Variants in CTNNA3 observed in about 807,000 individuals in gnomAD.
The protein encoded by CTNNA3 is catenin alpha 3.
A neutral mutation model predicts 95.7 loss-of-function variants in CTNNA3; 76 were observed. The ratio of observed to expected loss-of-function variants is 0.79; its 90% CI spans 0.66 to 0.96. CTNNA3 has a LOEUF of 0.96. Ranked by LOEUF, CTNNA3 falls within the 40% of genes least tolerant of loss-of-function variation. The pLI, the probability that CTNNA3 is intolerant of heterozygous loss-of-function variation, is 0.00. For synonymous variants in CTNNA3, 431 were observed against 374.4 expected (o/e 1.15, Z -1.74); for missense variants, 1,191 against 1,089.8 (o/e 1.09, Z -1.31).
chr10:67,376,193 T>C (rs1843683082), intron 5 of CTNNA3, among the ~76,000 whole-genome samples: 1 of 152,196 alleles, frequency 6.6e-6, no homozygotes, highest in Admixed American at 6.5e-5. Context: ...AAAGCAGTAG[T>C]ACTAGCCACA....
At chr10:66,399,939 T>G (rs2093007448) in intron 11 of CTNNA3, among the ~76,000 whole-genome samples, 1 of 151,966 alleles carries the variant, frequency 6.6e-6, no homozygotes, top group Admixed American at 6.6e-5. Context: ...AATTATCTCC[T>G]TGTCAAAACA....
At chr10:66,225,619 G>A (rs113095957) in intron 13 of CTNNA3, among the ~76,000 whole-genome samples, 3,611 of 151,010 alleles carry the variant, frequency 0.024, 98 homozygotes, top group African/African-American at 0.066. Flanking sequence ...TGGATCATAT[G>A]GTATTCAAAT....
intron 11 of CTNNA3, among the ~76,000 whole-genome samples, chr10:66,444,891 G>T (rs2093406886): frequency 6.6e-6 from 1 of 152,078 alleles, no homozygotes. Flanking sequence ...ATTGGATAAA[G>T]AGTCAAGACC....
chr10:67,687,701 T>G (rs921560189), intron 1 of CTNNA3, among the ~76,000 whole-genome samples: 1 of 152,200 alleles, frequency 6.6e-6, no homozygotes, highest in Non-Finnish European at 1.5e-5. Context: ...TTAGAATCAA[T>G]TGACCCTCGA....
intron 7 of CTNNA3, among the ~76,000 whole-genome samples, chr10:67,073,351 T>C (rs1326903064): frequency 6.6e-6 from 1 of 152,210 alleles, no homozygotes; most frequent in African/African-American, 2.4e-5. Context: ...AACAGTATTT[T>C]ACCTTCAACC....
intron 9 of CTNNA3, among the ~76,000 whole-genome samples, chr10:66,629,250 T>G (rs1289313754): frequency 6.6e-6 from 1 of 152,064 alleles, no homozygotes; most frequent in Non-Finnish European, 1.5e-5. Flanking sequence ...TAGTCTGACA[T>G]GAACAGAGGA....
chr10:67,041,643 C>T (rs930502896), intron 7 of CTNNA3, among the ~76,000 whole-genome samples: 1 of 152,070 alleles, frequency 6.6e-6, no homozygotes, highest in South Asian at 2.1e-4. Flanking sequence ...CTACCTCATA[C>T]CTCTAAAGCA....
intron 15 of CTNNA3, among the ~76,000 whole-genome samples, chr10:66,060,500 A>G (rs191715360): frequency 6.6e-6 from 1 of 152,268 alleles, no homozygotes; most frequent in Admixed American, 6.6e-5. Context: ...AAGATAAAAT[A>G]ACAGCAAGAA....
At chr10:65,924,452 C>A (rs375392754) in intron 17 of CTNNA3, among the ~76,000 whole-genome samples, 3 of 152,276 alleles carry the variant, frequency 2.0e-5, no homozygotes, top group African/African-American at 7.2e-5. Context: ...AACTAGGCTG[C>A]GTGAAACTAA....
chr10:66,445,152 G>T (rs1228212409), intron 11 of CTNNA3, among the ~76,000 whole-genome samples: 1 of 151,546 alleles, frequency 6.6e-6, no homozygotes, highest in African/African-American at 2.4e-5. Flanking sequence ...CCCAATACAG[G>T]AGCAACCAGA....
At chr10:66,421,433 T>C (rs566747041) in intron 11 of CTNNA3, among the ~76,000 whole-genome samples, 1 of 152,252 alleles carries the variant, frequency 6.6e-6, no homozygotes, top group East Asian at 1.9e-4. Flanking sequence ...ATAGAAATAA[T>C]AAATCCTCAC....
At chr10:66,684,805 T>C (rs889421862) in intron 9 of CTNNA3, among the ~76,000 whole-genome samples, 6 of 152,170 alleles carry the variant, frequency 3.9e-5, no homozygotes, top group Non-Finnish European at 5.9e-5. Flanking sequence ...ATGCTATTGA[T>C]GCTGAAAATA....
At chr10:67,672,624 C>T (rs951387411) in intron 1 of CTNNA3, among the ~76,000 whole-genome samples, 3 of 152,156 alleles carry the variant, frequency 2.0e-5, no homozygotes, top group African/African-American at 7.2e-5. Context: ...GGTATCCTTT[C>T]CCCATTGCTT....
chr10:66,305,350 T>C (rs936807905), intron 12 of CTNNA3, among the ~76,000 whole-genome samples: 3 of 152,102 alleles, frequency 2.0e-5, no homozygotes, highest in South Asian at 2.1e-4. Context: ...ACAGTGTTGA[T>C]AATAATGTAT....
At chr10:67,003,799 T>C (rs935189421) in intron 7 of CTNNA3, among the ~76,000 whole-genome samples, 2 of 152,186 alleles carry the variant, frequency 1.3e-5, no homozygotes, top group Non-Finnish European at 2.9e-5. Context: ...AGGTTAATTT[T>C]GTTAATAGAT....
At chr10:67,704,115 T>G (rs944571552) in intron 1 of CTNNA3, among the ~76,000 whole-genome samples, 6 of 152,016 alleles carry the variant, frequency 3.9e-5, no homozygotes, top group Admixed American at 1.3e-4. Flanking sequence ...TACTGCTCAA[T>G]GAAATAAAAG....
intron 10 of CTNNA3, among the ~76,000 whole-genome samples, chr10:66,603,586 C>T (rs1844009367): frequency 6.6e-6 from 1 of 151,966 alleles, no homozygotes; most frequent in Non-Finnish European, 1.5e-5. Context: ...ACAAAAAAAT[C>T]CTAAAATGTG....
chr10:67,605,717 C>A (rs747274322), intron 3 of CTNNA3, among the ~76,000 whole-genome samples: 3 of 149,318 alleles, frequency 2.0e-5, no homozygotes, highest in Non-Finnish European at 4.4e-5. Flanking sequence ...TCGCTCTTGT[C>A]CCCCAGGCTG....
intron 2 of CTNNA3, among the ~76,000 whole-genome samples, chr10:67,613,977 G>A (rs1163596340): frequency 6.6e-6 from 1 of 152,162 alleles, no homozygotes; most frequent in African/African-American, 2.4e-5. Flanking sequence ...TCTTAAAGAT[G>A]GCATGGACCC....
Sources: allele counts gnomAD v4.1 joint callset (sites outside exome capture counted in the v4.1 genomes callset), GRCh38; gene constraint gnomAD v4.1.1; transcripts MANE v1.5; gene names NCBI Gene and HGNC (gene_info 2026-07-23, HGNC 2026-07-21).